ZNF385D: variants seen among roughly 807,000 people sequenced by gnomAD.
ZNF385D encodes the protein zinc finger protein 659.
In ZNF385D, 15 loss-of-function variants were observed where a neutral mutation model predicts 35.8. That is an observed-to-expected ratio of 0.42 (90% CI 0.28 to 0.64). The LOEUF is 0.64. ZNF385D is among the 30% of genes least tolerant of loss of function. ZNF385D has a pLI of 0.23. For synonymous variants in ZNF385D, 212 were observed against 186.8 expected (o/e 1.13, Z -1.10); for missense variants, 474 against 494.6 (o/e 0.96, Z 0.39).
At chr3:22,191,091 A>G (rs920855024) in intron 2 of ZNF385D, among the ~76,000 whole-genome samples, 1 of 152,302 alleles carries the variant, frequency 6.6e-6, no homozygotes, top group African/African-American at 2.4e-5. Context: ...TTAAAAAAAT[A>G]AACATAGGAA....
intron 3 of ZNF385D, among the ~76,000 whole-genome samples, chr3:21,522,281 G>A (rs1707956542): frequency 6.6e-6 from 1 of 152,072 alleles, no homozygotes; most frequent in Non-Finnish European, 1.5e-5. Context: ...CTTAAATAAT[G>A]CTTTCCTCCC....
At chr3:21,987,736 T>G (rs2125386982) in intron 3 of ZNF385D, among the ~76,000 whole-genome samples, 1 of 145,216 alleles carries the variant, frequency 6.9e-6, no homozygotes, top group Admixed American at 6.7e-5. Flanking sequence ...GTTGGGGAAG[T>G]TCTCCTGGAT....
At chr3:21,695,730 C>T (rs971010307) in intron 1 of ZNF385D, among the ~76,000 whole-genome samples, 1 of 150,536 alleles carries the variant, frequency 6.6e-6, no homozygotes, top group Non-Finnish European at 1.5e-5. Context: ...CCTTGCTAGT[C>T]AAACTGCAGG....
intron 3 of ZNF385D, among the ~76,000 whole-genome samples, chr3:21,911,201 C>A (rs1377349187): frequency 6.6e-6 from 1 of 151,816 alleles, no homozygotes; most frequent in South Asian, 2.1e-4. Context: ...AAACATAGCA[C>A]AAGTAATTGC....
intron 3 of ZNF385D, among the ~76,000 whole-genome samples, chr3:21,961,803 G>A (rs560422723): frequency 1.3e-5 from 2 of 152,100 alleles, no homozygotes; most frequent in East Asian, 1.9e-4. Flanking sequence ...TAGTGGGAGA[G>A]TGCACTGGAT....
At chr3:21,804,338 T>C (rs2072538983) in intron 3 of ZNF385D, among the ~76,000 whole-genome samples, 1 of 152,212 alleles carries the variant, frequency 6.6e-6, no homozygotes, top group South Asian at 2.1e-4. Flanking sequence ...TATATCTCTA[T>C]TTACAAGTTG....
chr3:21,908,251 C>T (rs981363496), intron 3 of ZNF385D, among the ~76,000 whole-genome samples: 2 of 151,470 alleles, frequency 1.3e-5, no homozygotes, highest in Non-Finnish European at 2.9e-5. Flanking sequence ...AATTAGATTA[C>T]TGAATTAAGA....
Position 21,804,827 on chromosome 3 carries a change from T to C in ZNF385D, c.326-139799A>G, listed in dbSNP as rs141767346. Among the ~76,000 whole-genome samples, 15 of 150,576 alleles carry C rather than the reference T, an allele frequency of 1.0e-4. No homozygotes were observed. The East Asian group carries it at 3.0e-3, about 30-fold the overall frequency. On this transcript the variant is annotated intron_variant, in intron 3 of 5. Transcript: ENST00000494108. ...GAAGGTTAGTTCAAAGGCTATTTAA[T>C]ATGTTGTTTCTACTGTTTTCCCTTA...
At chr3:21,872,604 A>G (rs73040546) in intron 3 of ZNF385D, among the ~76,000 whole-genome samples, 10,599 of 152,204 alleles carry the variant, frequency 0.07, 542 homozygotes, top group East Asian at 0.18. Flanking sequence ...AATGGTTACC[A>G]TTAGGTCAGT....
intron 2 of ZNF385D, among the ~76,000 whole-genome samples, chr3:22,243,181 A>G (rs1699588155): frequency 6.6e-6 from 1 of 150,930 alleles, no homozygotes; most frequent in Non-Finnish European, 1.5e-5. Flanking sequence ...ACCCAATAAT[A>G]AAAAAACAAA....
At chr3:21,942,067 A>G (rs9310666) in intron 3 of ZNF385D, among the ~76,000 whole-genome samples, 4,568 of 152,160 alleles carry the variant, frequency 0.03, 230 homozygotes, top group African/African-American at 0.1. Context: ...TGTCAAATGT[A>G]TATGTTATAG....
intron 3 of ZNF385D, among the ~76,000 whole-genome samples, chr3:22,091,276 A>G (rs966544582): frequency 1.3e-5 from 2 of 152,208 alleles, no homozygotes; most frequent in Non-Finnish European, 2.9e-5. Flanking sequence ...CCAGTCCAGC[A>G]TGATAAACCA....
intron 3 of ZNF385D, among the ~76,000 whole-genome samples, chr3:22,083,094 A>G (rs1700841991): frequency 6.6e-6 from 1 of 152,186 alleles, no homozygotes; most frequent in Non-Finnish European, 1.5e-5. Flanking sequence ...TCAAAGACCA[A>G]AGGTAGATAA....
intron 2 of ZNF385D, among the ~76,000 whole-genome samples, chr3:22,180,931 A>C (rs866644656): frequency 2.0e-5 from 1 of 50,738 alleles, no homozygotes; most frequent in African/African-American, 2.1e-4. Flanking sequence ...TTTTTTTTTT[A>C]AGAGACAGCT....
rs971965727 is a variant in ZNF385D, at chr3:22,207,726, G to A, written c.107-38691C>T. 2.0e-5 allele frequency among the ~76,000 whole-genome samples: 3 copies of A among 151,820 alleles called. No homozygotes were observed. In the East Asian group the frequency reaches 5.8e-4, roughly 29 times the overall value. On this transcript the variant is annotated intron_variant, in intron 2 of 5. Transcript: ENST00000494108. Reference sequence around the variant, plus strand: ...GACAAATAACCAGAATATATAAAGAGCTCAAACAACTCTACAGGAATAAAA... The same window carrying A: ...GACAAATAACCAGAATATATAAAGAACTCAAACAACTCTACAGGAATAAAA...
intron 3 of ZNF385D, among the ~76,000 whole-genome samples, chr3:21,562,872 T>C (rs1224167050): frequency 1.7e-5 from 2 of 115,934 alleles, no homozygotes; most frequent in Non-Finnish European, 3.4e-5. Flanking sequence ...CAGTCATCAC[T>C]TGAGAATACT....
chr3:21,833,535 T>C (rs1032040312), intron 3 of ZNF385D, among the ~76,000 whole-genome samples: 2 of 152,184 alleles, frequency 1.3e-5, no homozygotes, highest in Non-Finnish European at 2.9e-5. Flanking sequence ...AAAACCTTCC[T>C]GGTTTCCCAC....
rs2067090263 is a variant in ZNF385D at position 21,685,984 on chromosome 3, G to T, written c.23-20956C>A. On this transcript the variant is annotated intron_variant, in intron 1 of 7. Coordinates refer to ENST00000281523, the MANE Select transcript of ZNF385D (RefSeq NM_024697.3). ...AGAGAACAATGGTGAAAACTGAGGG[G>T]CAGGCAGCTTTGGTGGTCACAGATG... Among the ~76,000 whole-genome samples the T allele has an allele frequency of 5.3e-5, 8 of 152,142 alleles. No homozygotes were observed. In the South Asian group the frequency reaches 1.7e-3, roughly 32 times the overall value.
chr3:21,884,285 G>T (rs182252905), intron 3 of ZNF385D, among the ~76,000 whole-genome samples: 6 of 152,152 alleles, frequency 3.9e-5, no homozygotes, highest in African/African-American at 1.4e-4. Flanking sequence ...CACAGAGTGT[G>T]CCTTGCAAAC....
Sources: gnomAD v4.1 joint callset for allele counts (sites outside exome capture counted in the v4.1 genomes callset) on GRCh38, gnomAD v4.1.1 for gene constraint, MANE v1.5 for transcripts, NCBI Gene and HGNC (gene_info 2026-07-23, HGNC 2026-07-21) for gene names.